The following DGLUCY variants were observed in gnomAD, a reference collection of about 807,000 sequenced individuals.
DGLUCY encodes the protein D-glutamate cyclase, mitochondrial.
Under a neutral mutation model 58.5 loss-of-function variants are expected in DGLUCY, and 58 were observed. The ratio of observed to expected loss-of-function variants is 0.99; its 90% CI spans 0.80 to 1.23. The LOEUF (loss-of-function observed/expected upper bound fraction) is 1.23, where lower values mean the gene tolerates loss of function less well. DGLUCY is among the 50% of genes most tolerant of loss of function. The pLI is 0.00. For synonymous variants in DGLUCY, 325 were observed against 314.1 expected (o/e 1.03, Z -0.37); for missense variants, 779 against 784.7 (o/e 0.99, Z 0.09).
upstream of DGLUCY, among the ~76,000 whole-genome samples, chr14:91,112,873 G>T (rs1197539539): frequency 6.6e-6 from 1 of 151,394 alleles, no homozygotes. Context: ...CAAAAAATTA[G>T]CCAGGCGTGG....
intron 1 of DGLUCY, among the ~76,000 whole-genome samples, chr14:91,108,526 T>TGTGTGTGAGAGAGAGAGAGAGAGAGA (rs1265665234): frequency 4.2e-4 from 22 of 52,172 alleles, no homozygotes; most frequent in Admixed American, 8.0e-4. Context: ...TGTGTGTGTG[T>TGTGTGTGAGAGAGAGAGAGAGAGAGA]GAGAGAGAGA....
intron 12 of DGLUCY, among the ~76,000 whole-genome samples, chr14:91,214,768 T>C (rs1209387201): frequency 6.6e-6 from 1 of 152,052 alleles, no homozygotes; most frequent in Non-Finnish European, 1.5e-5. Context: ...GGGGATCACT[T>C]GAGCCCAGGA....
At chr14:91,142,979 G>A (rs1333492035) in intron 1 of DGLUCY, among the ~76,000 whole-genome samples, 5 of 135,776 alleles carry the variant, frequency 3.7e-5, no homozygotes, top group African/African-American at 5.6e-5. Flanking sequence ...GCAGTGAGCC[G>A]AGATCGTGCT....
chr14:91,160,134 C>A, intron 2 of DGLUCY, 132 bp from the exon 3 acceptor site: 1 of 673,938 alleles, frequency 1.5e-6, no homozygotes. Flanking sequence ...CAATGCCCAC[C>A]ACAAGGCAGG....
At chr14:91,187,288 C>G (rs1360847908) in intron 8 of DGLUCY, among the ~76,000 whole-genome samples, 1 of 152,150 alleles carries the variant, frequency 6.6e-6, no homozygotes, top group Non-Finnish European at 1.5e-5. Flanking sequence ...GTGAGCCACC[C>G]CGCCCAGCCA....
chr14:91,150,452 CT>C (rs973442724), intron 1 of DGLUCY, among the ~76,000 whole-genome samples: 1 of 150,764 alleles, frequency 6.6e-6, no homozygotes. Context: ...GTGAATGTTT[CT>C]TTTTTTTTGA....
chr14:91,171,761 G>A (rs1033348787), intron 5 of DGLUCY, among the ~76,000 whole-genome samples: 2 of 152,194 alleles, frequency 1.3e-5, no homozygotes, highest in African/African-American at 2.4e-5. Context: ...GTGGGGGAGC[G>A]AAACACCAAT....
At chr14:91,177,686 CTTTAA>C (rs1217739574) in intron 7 of DGLUCY, among the ~76,000 whole-genome samples, 1 of 152,254 alleles carries the variant, frequency 6.6e-6, no homozygotes, top group African/African-American at 2.4e-5. Flanking sequence ...TGTAGTGTTA[CTTTAA>C]TTTATTTTGA....
At chr14:91,153,756 T>C (rs897687865) in intron 1 of DGLUCY, among the ~76,000 whole-genome samples, 3 of 152,230 alleles carry the variant, frequency 2.0e-5, no homozygotes, top group African/African-American at 7.2e-5. Flanking sequence ...GGTTCTTTCC[T>C]ATGTGAACCC....
intron 1 of DGLUCY, among the ~76,000 whole-genome samples, chr14:91,071,247 G>A (rs1471115176): frequency 6.7e-6 from 1 of 149,790 alleles, no homozygotes; most frequent in Non-Finnish European, 1.5e-5. Context: ...TGAGGCAGGA[G>A]AATGGTGTGA....
exon 1 of DGLUCY, chr14:91,060,638 C>T (rs906468642): frequency 1.6e-6 from 1 of 628,088 alleles, no homozygotes; most frequent in Admixed American, 4.5e-5. Flanking sequence ...ACCGCTAGTA[C>T]CGCGCAACCA....
chr14:91,118,675 G>A (rs117282130), intron 1 of DGLUCY, among the ~76,000 whole-genome samples: 132 of 152,294 alleles, frequency 8.7e-4, no homozygotes, highest in Admixed American at 6.9e-3. Context: ...AGTGGTGGGG[G>A]ATAATGAGGC....
At chr14:91,099,068 GA>G (rs1270487125) in intron 1 of DGLUCY, among the ~76,000 whole-genome samples, 2 of 152,218 alleles carry the variant, frequency 1.3e-5, no homozygotes, top group Non-Finnish European at 2.9e-5. Context: ...AGTGTAAGGA[GA>G]ATGAGAGAAG....
chr14:91,065,017 C>T (rs2043797791), intron 1 of DGLUCY, among the ~76,000 whole-genome samples: 1 of 152,076 alleles, frequency 6.6e-6, no homozygotes, highest in African/African-American at 2.4e-5. Context: ...AGAAGAGTTG[C>T]AAAACTTAGT....
chr14:91,144,905 G>A (rs1191217218), intron 1 of DGLUCY, among the ~76,000 whole-genome samples: 1 of 152,154 alleles, frequency 6.6e-6, no homozygotes, highest in Non-Finnish European at 1.5e-5. Flanking sequence ...TTGGGAGGGA[G>A]TTGGGGGTGC....
chr14:91,189,078 T>C lies in DGLUCY; in HGVS notation c.1103T>C (p.Phe368Ser). 1 of 1,614,174 alleles carries C rather than the reference T, an allele frequency of 6.2e-7. No individual in the cohort carries two copies. Among genetic ancestry groups the C allele is most frequent in the Non-Finnish European group, 8.5e-7 (1 of 1,180,032 alleles). Reference sequence around the variant, plus strand: ...CCAGGAGCTGTTGCTCTGGTTGCCTTCCTGCAGGCCTTGGAGAAGGAGGTC... The same window carrying C: ...CCAGGAGCTGTTGCTCTGGTTGCCTCCCTGCAGGCCTTGGAGAAGGAGGTC... ...GPPGAVALVA[F>S]LQALEKEVAI... Residue 368 changes from phenylalanine to serine, a missense_variant, in exon 9 of 14, where the codon TTC (phenylalanine) becomes TCC (serine). Physicochemically the swap from Phe to Ser is radical, Grantham distance 155. Coordinates refer to ENST00000256324, the MANE Select transcript of DGLUCY (RefSeq NM_001102368.3).
intron 7 of DGLUCY, 28 bp from the exon 8 acceptor site, chr14:91,181,158 G>A (rs780567412): frequency 6.2e-7 from 1 of 1,608,918 alleles, no homozygotes. Context: ...AAGTGGCTGG[G>A]CTCAGACCCT....
chr14:91,192,159 T>C (rs1256516343), intron 9 of DGLUCY, among the ~76,000 whole-genome samples: 1 of 152,094 alleles, frequency 6.6e-6, no homozygotes, highest in Non-Finnish European at 1.5e-5. Flanking sequence ...ATGTGGTATA[T>C]AATTATTACT....
intron 1 of DGLUCY, among the ~76,000 whole-genome samples, chr14:91,149,371 T>C (rs576824194): frequency 1.3e-5 from 2 of 152,226 alleles, no homozygotes; most frequent in Non-Finnish European, 2.9e-5. Flanking sequence ...GTTATCACTC[T>C]GGCAAATTCT....
Sources: allele counts gnomAD v4.1 joint callset (sites outside exome capture counted in the v4.1 genomes callset), GRCh38; gene constraint gnomAD v4.1.1; transcripts MANE v1.5; gene names NCBI Gene and HGNC (gene_info 2026-07-23, HGNC 2026-07-21).